VAV3: variants seen among roughly 807,000 people sequenced by gnomAD.
The protein encoded by VAV3 is vav guanine nucleotide exchange factor 3, also known as guanine nucleotide exchange factor VAV3.
A neutral mutation model predicts 131.2 loss-of-function variants in VAV3; 94 were observed. The observed-to-expected ratio is 0.72, with a 90% CI of 0.61 to 0.85. The LOEUF is 0.85. Among genes scored for constraint, VAV3 ranks in the 40% least tolerant of loss-of-function variants. The pLI is 0.00. For synonymous variants in VAV3, 349 were observed against 342.0 expected (o/e 1.02, Z -0.22); for missense variants, 939 against 1,002.7 (o/e 0.94, Z 0.86).
intron 19 of VAV3, among the ~76,000 whole-genome samples, chr1:107,671,593 C>T (rs1053350759): frequency 2.6e-5 from 4 of 151,920 alleles, no homozygotes; most frequent in African/African-American, 4.8e-5. Context: ...AGTCTCACTC[C>T]CAGGAGCAGC....
At chr1:107,669,498 C>A (rs1377097269) in intron 19 of VAV3, 4 of 1,278,576 alleles carry the variant, frequency 3.1e-6, no homozygotes, top group Non-Finnish European at 4.1e-6. Flanking sequence ...AAGAAATAAA[C>A]ACATTTTCAA....
intron 12 of VAV3, among the ~76,000 whole-genome samples, chr1:107,753,226 T>C (rs1663847009): frequency 1.3e-5 from 2 of 152,008 alleles, no homozygotes; most frequent in Non-Finnish European, 2.9e-5. Flanking sequence ...AAATATTGTA[T>C]GATTTCACTT....
intron 20 of VAV3, among the ~76,000 whole-genome samples, chr1:107,634,243 A>G (rs1197119116): frequency 6.6e-6 from 1 of 152,204 alleles, no homozygotes; most frequent in African/African-American, 2.4e-5. Context: ...TACAGTAACC[A>G]AAACAGCATG....
intron 24 of VAV3, among the ~76,000 whole-genome samples, chr1:107,597,706 T>C (rs1305312335): frequency 6.6e-6 from 1 of 152,184 alleles, no homozygotes; most frequent in Non-Finnish European, 1.5e-5. Context: ...TTTCATAAGC[T>C]AAAAGCAGCA....
At chr1:107,650,992 T>A (rs1656126277) in intron 19 of VAV3, among the ~76,000 whole-genome samples, 1 of 152,044 alleles carries the variant, frequency 6.6e-6, no homozygotes, top group Non-Finnish European at 1.5e-5. Flanking sequence ...TGTAGGGACA[T>A]GAATGAAAGA....
intron 20 of VAV3, among the ~76,000 whole-genome samples, chr1:107,640,988 T>C (rs1238931755): frequency 6.6e-6 from 1 of 152,202 alleles, no homozygotes; most frequent in Non-Finnish European, 1.5e-5. Flanking sequence ...AGATAAGTCT[T>C]GAATGTGAGG....
At chr1:107,783,684 C>T (rs12122599) in intron 2 of VAV3, among the ~76,000 whole-genome samples, 232 of 152,202 alleles carry the variant, frequency 1.5e-3, no homozygotes, top group Middle Eastern at 6.8e-3. Context: ...CTTTGTGTCC[C>T]CATAGGACCC....
intron 22 of VAV3, among the ~76,000 whole-genome samples, chr1:107,606,588 T>C (rs1160584980): frequency 1.3e-5 from 2 of 152,072 alleles, no homozygotes; most frequent in African/African-American, 2.4e-5. Context: ...AGCTTCCATA[T>C]AGCTTCTCTC....
At chr1:107,848,061 G>T (rs987013267) in intron 2 of VAV3, among the ~76,000 whole-genome samples, 1 of 151,944 alleles carries the variant, frequency 6.6e-6, no homozygotes, top group Non-Finnish European at 1.5e-5. Context: ...CGTCTGTAAT[G>T]CCAGCACTTT....
chr1:107,902,220 G>A (rs1378759119), intron 1 of VAV3, among the ~76,000 whole-genome samples: 2 of 152,106 alleles, frequency 1.3e-5, no homozygotes, highest in African/African-American at 2.4e-5. Context: ...CTAGACCAAG[G>A]GTCTCTACAG....
At chr1:107,954,908 T>C (rs1045546806) in intron 1 of VAV3, among the ~76,000 whole-genome samples, 7 of 152,190 alleles carry the variant, frequency 4.6e-5, no homozygotes, top group African/African-American at 1.7e-4. Flanking sequence ...TGTAAGTTAC[T>C]AAACCCCTCT....
chr1:107,600,516 T>C (rs1187279072), intron 24 of VAV3, among the ~76,000 whole-genome samples: 1 of 152,230 alleles, frequency 6.6e-6, no homozygotes, highest in Non-Finnish European at 1.5e-5. Context: ...AATAGTGGCA[T>C]TGCTGAGATT....
intron 25 of VAV3, among the ~76,000 whole-genome samples, chr1:107,581,933 G>A (rs1650082449): frequency 6.6e-6 from 1 of 152,178 alleles, no homozygotes; most frequent in Non-Finnish European, 1.5e-5. Context: ...ACATGTATCA[G>A]AGAACATTAC....
intron 20 of VAV3, among the ~76,000 whole-genome samples, chr1:107,633,655 C>CA (rs1039892184): frequency 1.4e-4 from 21 of 151,738 alleles, no homozygotes; most frequent in South Asian, 4.2e-4. Flanking sequence ...TTGCTTTAAC[C>CA]AAAAAAAAGC....
chr1:107,794,698 C>T (rs1407279186), intron 2 of VAV3, among the ~76,000 whole-genome samples: 1 of 152,136 alleles, frequency 6.6e-6, no homozygotes, highest in Non-Finnish European at 1.5e-5. Context: ...TGGAAGACTT[C>T]TTTTTCTGGG....
At chr1:107,803,605 T>TA (rs1225347930) in intron 2 of VAV3, among the ~76,000 whole-genome samples, 3 of 152,056 alleles carry the variant, frequency 2.0e-5, no homozygotes, top group South Asian at 2.1e-4. Flanking sequence ...TTCATTGTGG[T>TA]AAAAAAATAC....
At chr1:107,575,752 A>C (rs1052781860) in intron 25 of VAV3, among the ~76,000 whole-genome samples, 3 of 152,182 alleles carry the variant, frequency 2.0e-5, no homozygotes, top group African/African-American at 7.2e-5. Context: ...ATGACTTCTA[A>C]GTTTTTTCTA....
chr1:107,645,412 G>C (rs1249085100), intron 19 of VAV3, among the ~76,000 whole-genome samples: 1 of 151,776 alleles, frequency 6.6e-6, no homozygotes, highest in African/African-American at 2.4e-5. Context: ...TCTGTTGTCA[G>C]GGGTACAGAG....
chr1:107,637,261 C>T (rs1017138402), intron 20 of VAV3, among the ~76,000 whole-genome samples: 1 of 152,016 alleles, frequency 6.6e-6, no homozygotes, highest in African/African-American at 2.4e-5. Flanking sequence ...CCACAATCTA[C>T]CAAACTCACT....
Sources: gnomAD v4.1 joint callset for allele counts (sites outside exome capture counted in the v4.1 genomes callset) on GRCh38, gnomAD v4.1.1 for gene constraint, MANE v1.5 for transcripts, NCBI Gene and HGNC (gene_info 2026-07-23, HGNC 2026-07-21) for gene names.